The following DMD variants were observed in gnomAD, a reference collection of about 807,000 sequenced individuals.
DMD encodes dystrophin.
DMD carries 63 observed loss-of-function variants against 330.1 expected under a neutral mutation model. The observed-to-expected ratio is 0.19, with a 90% CI of 0.16 to 0.24. DMD has a LOEUF of 0.24. Among genes scored for constraint, DMD ranks in the 10% least tolerant of loss-of-function variants. The pLI is 1.00. For missense variants in DMD, 3,344 were observed against 2,684.1 expected (o/e 1.25, Z -5.43); for synonymous variants, 1,223 against 959.8 (o/e 1.27, Z -5.07).
rs181704661 is a variant in DMD, at chrX:32,854,239, T to C, written c.94-4419A>G. Among the ~76,000 whole-genome samples, 8 of 111,169 alleles carry C rather than the reference T, an allele frequency of 7.2e-5. No homozygotes were observed. The East Asian group carries it at 2.3e-3, about 32-fold the overall frequency. The stretch of plus-strand genomic sequence containing the variant: ...AACATTTCAACCAACAGCTGCAGAG[T>C]GTACATTCCTCTCATCACCACATGG... On this transcript the variant is annotated intron_variant, in intron 2 of 78. Coordinates refer to ENST00000357033, the MANE Select transcript of DMD (RefSeq NM_004006.3).
chrX:33,156,983 G>A (rs996353537), intron 1 of DMD, among the ~76,000 whole-genome samples: 1 of 111,841 alleles, frequency 8.9e-6, no homozygotes, highest in African/African-American at 3.2e-5. Context: ...ACACGAAACT[G>A]ATGTCCAATG....
chrX:31,177,983 A>G lies in DMD; in HGVS notation c.10224-13T>C. The G allele has an allele frequency of 8.3e-7, 1 of 1,202,286 alleles. No homozygotes were observed. ...CAGAGTAACGGGACTGCAAAACAAA[A>G]AATGAGGTGGTGAAGGAGACACACG... On this transcript the variant is annotated splice_polypyrimidine_tract_variant and intron_variant, in intron 70 of 78. Coordinates refer to ENST00000357033, the MANE Select transcript of DMD (RefSeq NM_004006.3).
intron 54 of DMD, among the ~76,000 whole-genome samples, chrX:31,634,196 G>T (rs2148464148): frequency 8.9e-6 from 1 of 112,262 alleles, no homozygotes; most frequent in Admixed American, 9.4e-5. Flanking sequence ...TTGCAGAAAA[G>T]ATCTGGCTGC....
chrX:31,405,419 C>A (rs2148863894), intron 60 of DMD, among the ~76,000 whole-genome samples: 1 of 111,606 alleles, frequency 9.0e-6, no homozygotes, highest in Admixed American at 9.5e-5. Context: ...TTCTGAGCAC[C>A]CTTTTGTCCC....
chrX:33,277,535 C>T (rs1002922713), intron 1 of DMD, among the ~76,000 whole-genome samples: 3 of 110,904 alleles, frequency 2.7e-5, no homozygotes, highest in East Asian at 5.7e-4. Flanking sequence ...CAAGCAGACA[C>T]GTCCTTATGA....
chrX:33,182,410 G>A lies in DMD; in HGVS notation c.31+28872C>T, dbSNP rs192446068. Among the ~76,000 whole-genome samples, 33 of 110,641 alleles carry A rather than the reference G, an allele frequency of 3.0e-4. No homozygotes were observed. In the East Asian group the frequency reaches 5.5e-3, roughly 18 times the overall value. On this transcript the variant is annotated intron_variant, in intron 1 of 78. Transcript: ENST00000357033. ...CTCCTGAGTAGGTGGGACTATAGGC[G>A]TGTTGTCACTATGCCTGGCTCATTT...
intron 78 of DMD, among the ~76,000 whole-genome samples, chrX:31,122,890 G>T (rs1053281127): frequency 9.0e-6 from 1 of 111,519 alleles, no homozygotes; most frequent in Non-Finnish European, 1.9e-5. Context: ...TTACTTTATG[G>T]CTTGCCTTTT....
chrX:31,457,100 G>A (rs2066238881), intron 59 of DMD, among the ~76,000 whole-genome samples: 1 of 109,438 alleles, frequency 9.1e-6, no homozygotes, highest in Admixed American at 9.9e-5. Flanking sequence ...ATTCACAGAG[G>A]GGAACACTAG....
In DMD at chrX:32,537,641, A is replaced by G. The variant is rs538684533; in HGVS notation, c.2168+7518T>C. 3.3e-4 allele frequency among the ~76,000 whole-genome samples: 37 copies of G among 111,806 alleles called. No homozygotes were observed. The South Asian group carries it at 0.014, about 42-fold the overall frequency. ...TGAGAGCAGTTTCAGTGCTCGATGT[A>G]GAGTATGAGAGGGTAAAGGAAAGAA... On this transcript the variant is annotated intron_variant, in intron 17 of 78. Coordinates refer to ENST00000357033, the MANE Select transcript of DMD (RefSeq NM_004006.3).
At chrX:32,485,570 TTATAAA>T (rs1445145245) in intron 20 of DMD, among the ~76,000 whole-genome samples, 5 of 109,067 alleles carry the variant, frequency 4.6e-5, no homozygotes, top group African/African-American at 6.6e-5. Context: ...TATACTATAA[TTATAAA>T]TATATTTTGA....
chrX:32,466,355 A>G (rs771184443), intron 23 of DMD, among the ~76,000 whole-genome samples: 2 of 111,628 alleles, frequency 1.8e-5, no homozygotes, highest in Non-Finnish European at 3.8e-5. Flanking sequence ...TGTTCCGATA[A>G]TATTTCATAA....
At chrX:31,896,970 G>A (rs772038906) in intron 47 of DMD, among the ~76,000 whole-genome samples, 28 of 106,790 alleles carry the variant, frequency 2.6e-4, no homozygotes, top group African/African-American at 9.3e-4. Context: ...TGTGCACATT[G>A]TGCAGGTTAG....
At chrX:32,421,477 A>G (rs2098189428) in intron 29 of DMD, among the ~76,000 whole-genome samples, 1 of 111,470 alleles carries the variant, frequency 9.0e-6, no homozygotes, top group South Asian at 3.8e-4. Context: ...CATTCTGTAT[A>G]GTGCTTTAGG....
intron 7 of DMD, among the ~76,000 whole-genome samples, chrX:32,763,040 C>G (rs1489273222): frequency 9.0e-6 from 1 of 110,728 alleles, no homozygotes; most frequent in Non-Finnish European, 1.9e-5. Context: ...CCTTATTTCT[C>G]CTGCATTAAT....
At chrX:32,027,183 C>CACACACACAGAGAGAG (rs774715155) in intron 44 of DMD, among the ~76,000 whole-genome samples, 1 of 97,502 alleles carries the variant, frequency 1.0e-5, no homozygotes, top group South Asian at 5.3e-4. Flanking sequence ...CACACACACA[C>CACACACACAGAGAGAG]AGAGAGAGAG....
At chrX:32,229,681 C>CATATATATATATATAT (rs55916475) in intron 43 of DMD, among the ~76,000 whole-genome samples, 4 of 24,342 alleles carry the variant, frequency 1.6e-4, no homozygotes, top group Non-Finnish European at 2.1e-4. Flanking sequence ...AGAGTTTCAT[C>CATATATATATATATAT]ATATATATAT....
chrX:31,654,904 C>A (rs1181470053), intron 54 of DMD, among the ~76,000 whole-genome samples: 7 of 109,482 alleles, frequency 6.4e-5, no homozygotes, highest in Middle Eastern at 4.3e-3. Context: ...TACCCCTGAA[C>A]TTAAAAGTGA....
intron 45 of DMD, among the ~76,000 whole-genome samples, chrX:31,936,437 G>A (rs140402148): frequency 0.015 from 1,642 of 111,553 alleles, 32 homozygotes; most frequent in African/African-American, 0.051. Flanking sequence ...GCTTGCCATA[G>A]ATATTTTAAG....
rs193026778 is a variant in DMD at position 32,481,885 on chromosome X, G to A, written c.2803+3034C>T. Among the ~76,000 whole-genome samples the A allele has an allele frequency of 8.4e-3, 935 of 111,874 alleles. 5 individuals are homozygous for A. The highest frequency in any genetic ancestry group is 0.014 in the Middle Eastern group (3 of 217). ...AGCACTTTTACGGCATATACCAGGTGTTCAAAAATATTTCTTGAATTTATT... is the reference window on the plus strand; with the variant it reads ...AGCACTTTTACGGCATATACCAGGTATTCAAAAATATTTCTTGAATTTATT... On this transcript the variant is annotated intron_variant, in intron 21 of 78. Transcript: ENST00000357033.
Sources: allele counts gnomAD v4.1 joint callset (sites outside exome capture counted in the v4.1 genomes callset), GRCh38; gene constraint gnomAD v4.1.1; transcripts MANE v1.5; gene names NCBI Gene and HGNC (gene_info 2026-07-23, HGNC 2026-07-21).